The following OR10J1 variants were observed in gnomAD, a reference collection of about 807,000 sequenced individuals.
OR10J1 encodes olfactory receptor 10J1.
For missense variants in OR10J1, 474 were observed against 376.6 expected, an observed-to-expected ratio of 1.26 and a Z score of -2.14; for synonymous variants, 202 against 143.8, an observed-to-expected ratio of 1.40 and a Z score of -2.89.
upstream of OR10J1, among the ~76,000 whole-genome samples, chr1:159,434,379 T>C (rs1571154368): frequency 6.6e-6 from 1 of 152,324 alleles, no homozygotes; most frequent in South Asian, 2.1e-4. Context: ...TCATGATATC[T>C]TGGACTTTGG....
chr1:159,418,704 G>A, the OR10J1 span, among the ~76,000 whole-genome samples: 1 of 152,308 alleles, frequency 6.6e-6, no homozygotes, highest in East Asian at 1.9e-4. Flanking sequence ...TATGAGAAGA[G>A]GGACACTGTC....
upstream of OR10J1, chr1:159,432,945 T>G: frequency 2.3e-6 from 1 of 432,212 alleles, no homozygotes. Flanking sequence ...CACCTCACAG[T>G]GGTCATTGTC....
upstream of OR10J1, among the ~76,000 whole-genome samples, chr1:159,435,391 A>G (rs1655708314): frequency 6.6e-6 from 1 of 152,176 alleles, no homozygotes; most frequent in Non-Finnish European, 1.5e-5. Context: ...AGCATCTACA[A>G]GTATTTTTTA....
At chr1:159,433,471 A>G (rs1655645682), upstream of OR10J1, among the ~76,000 whole-genome samples, 1 of 152,202 alleles carries the variant, frequency 6.6e-6, no homozygotes. Flanking sequence ...TAGGAAGAAT[A>G]TATACTATCA....
At chr1:159,407,356 G>T in the OR10J1 span, among the ~76,000 whole-genome samples, 4 of 152,104 alleles carry the variant, frequency 2.6e-5, no homozygotes, top group Non-Finnish European at 5.9e-5. Context: ...ACTTGTCTGT[G>T]TCTCAATTGC....
the OR10J1 span, among the ~76,000 whole-genome samples, chr1:159,417,989 T>C: frequency 1.3e-5 from 2 of 152,292 alleles, no homozygotes; most frequent in East Asian, 1.9e-4. Flanking sequence ...CCCCAGAGAT[T>C]TGTGGAACTT....
chr1:159,413,091 C>T, the OR10J1 span, among the ~76,000 whole-genome samples: 2 of 152,320 alleles, frequency 1.3e-5, no homozygotes, highest in East Asian at 1.9e-4. Context: ...TGAAAAAATG[C>T]TCACCATCAC....
At chr1:159,427,714 G>A in the OR10J1 span, among the ~76,000 whole-genome samples, 2 of 152,044 alleles carry the variant, frequency 1.3e-5, no homozygotes, top group East Asian at 3.9e-4. Context: ...AGAAAGGTGT[G>A]AGATTTAGCC....
the OR10J1 span, among the ~76,000 whole-genome samples, chr1:159,404,024 A>G: frequency 6.6e-6 from 1 of 152,160 alleles, no homozygotes; most frequent in Non-Finnish European, 1.5e-5. Flanking sequence ...AGGAAGACAA[A>G]CATTGCATGT....
the OR10J1 span, among the ~76,000 whole-genome samples, chr1:159,410,922 G>C: frequency 4.6e-5 from 7 of 151,768 alleles, no homozygotes; most frequent in East Asian, 1.4e-3. Context: ...TGGTTTCAAA[G>C]AACATCTTTA....
At chr1:159,416,280 C>T in the OR10J1 span, among the ~76,000 whole-genome samples, 1 of 152,024 alleles carries the variant, frequency 6.6e-6, no homozygotes, top group Admixed American at 6.6e-5. Flanking sequence ...AAAAGGCTTT[C>T]AGGTTTTCCC....
chr1:159,399,576 A>G, the OR10J1 span, among the ~76,000 whole-genome samples: 27 of 148,658 alleles, frequency 1.8e-4, no homozygotes, highest in South Asian at 5.6e-3. Flanking sequence ...GTCTCAAAAA[A>G]AAAAAAAAAA....
At chr1:159,412,476 T>C in the OR10J1 span, among the ~76,000 whole-genome samples, 3 of 148,382 alleles carry the variant, frequency 2.0e-5, no homozygotes, top group Non-Finnish European at 3.0e-5. Flanking sequence ...ATGGTACTGG[T>C]ACCAAAACAG....
the OR10J1 span, among the ~76,000 whole-genome samples, chr1:159,407,876 A>G: frequency 6.6e-6 from 1 of 152,142 alleles, no homozygotes; most frequent in Admixed American, 6.6e-5. Context: ...AGCATGGGAA[A>G]GAGTCCCTGA....
the OR10J1 span, among the ~76,000 whole-genome samples, chr1:159,428,817 A>C: frequency 1.8e-4 from 27 of 152,200 alleles, no homozygotes; most frequent in African/African-American, 6.3e-4. Context: ...CATGCTTGTC[A>C]GTCTCTCCCA....
At chr1:159,437,165 G>A (rs994237448), upstream of OR10J1, among the ~76,000 whole-genome samples, 1 of 152,106 alleles carries the variant, frequency 6.6e-6, no homozygotes, top group Non-Finnish European at 1.5e-5. Context: ...CCAAATAAAG[G>A]GAAGAAAAAT....
chr1:159,402,152 T>C, the OR10J1 span, among the ~76,000 whole-genome samples: 1 of 151,730 alleles, frequency 6.6e-6, no homozygotes, highest in South Asian at 2.1e-4. Context: ...TGAATGATAC[T>C]AGCTGAATGG....
At chr1:159,416,265 T>C in the OR10J1 span, among the ~76,000 whole-genome samples, 1 of 152,032 alleles carries the variant, frequency 6.6e-6, no homozygotes, top group African/African-American at 2.4e-5. Context: ...TTCCAGTTCT[T>C]AGATAAAAGG....
At chr1:159,405,707 A>G in the OR10J1 span, 1 of 674,228 alleles carries the variant, frequency 1.5e-6, no homozygotes. Context: ...AGGATGGTGT[A>G]GATGATGAGG....
Sources: gnomAD v4.1 joint callset for allele counts (sites outside exome capture counted in the v4.1 genomes callset) on GRCh38, gnomAD v4.1.1 for gene constraint, MANE v1.5 for transcripts, NCBI Gene and HGNC (gene_info 2026-07-23, HGNC 2026-07-21) for gene names.